STAG1: variants seen among roughly 807,000 people sequenced by gnomAD.
STAG1 encodes cohesin subunit SA-1.
A neutral mutation model predicts 170.9 loss-of-function variants in STAG1; 26 were observed. The observed-to-expected ratio is 0.15, with a 90% CI of 0.11 to 0.21. STAG1 has a LOEUF of 0.21. Among genes scored for constraint, STAG1 ranks in the 10% least tolerant of loss-of-function variants. The pLI, the probability that STAG1 is intolerant of heterozygous loss-of-function variation, is 1.00. For synonymous variants in STAG1, 514 were observed against 497.7 expected (o/e 1.03, Z -0.44); for missense variants, 964 against 1,509.5 (o/e 0.64, Z 5.99).
intron 5 of STAG1, among the ~76,000 whole-genome samples, chr3:136,559,017 T>C (rs553354712): frequency 6.6e-6 from 1 of 152,308 alleles, no homozygotes; most frequent in South Asian, 2.1e-4. Context: ...GAAAGAAATG[T>C]GCTACTGGCA....
chr3:136,369,013 C>G, intron 24 of STAG1, 95 bp downstream of exon 24: 1 of 1,204,232 alleles, frequency 8.3e-7, no homozygotes, highest in Non-Finnish European at 1.1e-6. Context: ...AGAAAGAAAT[C>G]TCGATAATTT....
chr3:136,548,923 C>T (rs1936270774), intron 5 of STAG1, among the ~76,000 whole-genome samples: 1 of 152,180 alleles, frequency 6.6e-6, no homozygotes, highest in African/African-American at 2.4e-5. Flanking sequence ...CCTCTCCTCC[C>T]TCTCTTCCTC....
intron 3 of STAG1, among the ~76,000 whole-genome samples, chr3:136,606,997 A>T (rs561856514): frequency 4.9e-4 from 75 of 151,972 alleles, no homozygotes; most frequent in Non-Finnish European, 3.2e-4. Context: ...TGATCCGCCC[A>T]CCTCAGACTC....
chr3:136,624,564 G>A (rs1422980769), intron 2 of STAG1, among the ~76,000 whole-genome samples: 1 of 152,168 alleles, frequency 6.6e-6, no homozygotes, highest in Non-Finnish European at 1.5e-5. Context: ...CAACTTCTCT[G>A]CTGACTCAGA....
At chr3:136,423,158 T>C (rs1329808079) in intron 16 of STAG1, 114 bp from the exon 17 acceptor site, 1 of 632,348 alleles carries the variant, frequency 1.6e-6, no homozygotes, top group Non-Finnish European at 2.5e-6. Flanking sequence ...TAAGAGAAAC[T>C]TAATGACTGA....
chr3:136,594,078 CTT>C (rs1248891278), intron 4 of STAG1, among the ~76,000 whole-genome samples: 1 of 152,172 alleles, frequency 6.6e-6, no homozygotes, highest in African/African-American at 2.4e-5. Flanking sequence ...TATTAAAACA[CTT>C]TTATCCATTC....
At chr3:136,662,863 C>T (rs1941624163) in intron 1 of STAG1, among the ~76,000 whole-genome samples, 1 of 152,150 alleles carries the variant, frequency 6.6e-6, no homozygotes, top group Non-Finnish European at 1.5e-5. Context: ...ACCAGCTTTG[C>T]CAACATGGTG....
At chr3:136,530,689 G>C (rs772801798) in intron 6 of STAG1, among the ~76,000 whole-genome samples, 1 of 152,120 alleles carries the variant, frequency 6.6e-6, no homozygotes, top group Non-Finnish European at 1.5e-5. Context: ...AAATTAAGGT[G>C]TAAATCAAAA....
chr3:136,490,644 T>C (rs2090107528), intron 9 of STAG1, among the ~76,000 whole-genome samples: 1 of 152,158 alleles, frequency 6.6e-6, no homozygotes, highest in African/African-American at 2.4e-5. Context: ...CCACATTAGA[T>C]CAAAGATGAA....
In STAG1 at chr3:136,610,762, T is replaced by C. The variant is rs554130992; in HGVS notation, c.133-6289A>G. ...AATTATGAAAGAAAAAAAACACATTTACTCTTTGTTCTGTGAAGTTCTAAG... is the reference window on the plus strand; with the variant it reads ...AATTATGAAAGAAAAAAAACACATTCACTCTTTGTTCTGTGAAGTTCTAAG... On this transcript the variant is annotated intron_variant, in intron 3 of 33. Coordinates refer to ENST00000383202, the MANE Select transcript of STAG1 (RefSeq NM_005862.3). 1.7e-3 allele frequency among the ~76,000 whole-genome samples: 256 copies of C among 152,330 alleles called. 1 individual carries two copies. The highest frequency in any genetic ancestry group is 5.2e-3 in the African/African-American group (215 of 41,578).
intron 21 of STAG1, among the ~76,000 whole-genome samples, chr3:136,402,687 C>T (rs888562993): frequency 7.4e-5 from 11 of 149,144 alleles, no homozygotes; most frequent in African/African-American, 2.7e-4. Context: ...AAAAAATTAC[C>T]GGGTGTGGTG....
chr3:136,422,514 T>A lies in STAG1; in HGVS notation c.1933A>T (p.Ser645Cys). ...ACSKTYSILC[S>C]EEYTIQNRVD... is the part of the protein sequence containing the mutation. ...CTGTTCTGGATGGTATATTCTTCACTGCATAAGATACTATAGGTTTTACTG... is the reference window on the plus strand; with the variant it reads ...CTGTTCTGGATGGTATATTCTTCACAGCATAAGATACTATAGGTTTTACTG... The change falls in exon 19 of 34, where the codon AGT (serine) becomes TGT (cysteine). Residue 645 changes from serine to cysteine, a missense_variant. Physicochemically the swap from Ser to Cys is moderately radical, Grantham distance 112 (BLOSUM62 -1). This residue lies in a region of STAG1 where 232 missense variants were observed against 313.0 expected (regional missense o/e 0.74). Coordinates refer to ENST00000383202, the MANE Select transcript of STAG1 (RefSeq NM_005862.3). 1 of 1,614,086 alleles carries A rather than the reference T, an allele frequency of 6.2e-7. No individual in the cohort carries two copies. Among genetic ancestry groups the A allele is most frequent in the Middle Eastern group, 1.7e-4 (1 of 6,058 alleles).
chr3:136,433,546 T>C lies in STAG1; in HGVS notation c.1650+10A>G, dbSNP rs753580684. ...AACCTTTTAGGAGATTTCTCACTAA[T>C]GTAACTTACTCTCTTGCCGGTACCC... On this transcript the variant is annotated intron_variant, in intron 16 of 33. Transcript: ENST00000383202. 2 of 1,592,590 alleles carry C rather than the reference T, an allele frequency of 1.3e-6. No individual in the cohort carries two copies. Among genetic ancestry groups the C allele is most frequent in the African/African-American group, 1.4e-5 (1 of 73,824 alleles).
At chr3:136,491,991 AAAAAC>A (rs1307063743) in intron 9 of STAG1, among the ~76,000 whole-genome samples, 2 of 152,190 alleles carry the variant, frequency 1.3e-5, no homozygotes, top group Non-Finnish European at 2.9e-5. Context: ...AGATTGTCTC[AAAAAC>A]AAAACAAAAC....
chr3:136,691,752 G>A (rs189839228), intron 1 of STAG1, among the ~76,000 whole-genome samples: 131 of 152,148 alleles, frequency 8.6e-4, no homozygotes, highest in Admixed American at 1.7e-3. Flanking sequence ...ATGACATTTC[G>A]CAGCTAGATG....
intron 16 of STAG1, among the ~76,000 whole-genome samples, chr3:136,427,370 C>T (rs1398990912): frequency 6.6e-6 from 1 of 152,178 alleles, no homozygotes; most frequent in Non-Finnish European, 1.5e-5. Context: ...AAAAAAGCCC[C>T]ATGACACTAA....
At position 136,381,122 on chromosome 3, in the gene STAG1, A is replaced by G. The variant is rs148925779; in HGVS notation, c.2278-3370T>C. 3.4e-3 allele frequency among the ~76,000 whole-genome samples: 512 copies of G among 152,184 alleles called. 1 individual carries two copies. Among genetic ancestry groups the G allele is most frequent in the African/African-American group, 8.9e-3 (368 of 41,520 alleles). On this transcript the variant is annotated intron_variant, in intron 22 of 33. Transcript: ENST00000383202. ...ATGATGATTTTGAGATCCCTAATAG[A>G]TATCTTGAAGATGTCTAGTAGGCAG...
chr3:136,507,801 A>AT (rs1469439964), intron 7 of STAG1, among the ~76,000 whole-genome samples: 1 of 152,200 alleles, frequency 6.6e-6, no homozygotes, highest in Non-Finnish European at 1.5e-5. Flanking sequence ...CTGTCTGAAG[A>AT]TTGAGTGTCA....
In STAG1 at chr3:136,445,347, C is replaced by T. The variant is rs112453702; in HGVS notation, c.1429-1943G>A. 3.2e-3 allele frequency among the ~76,000 whole-genome samples: 486 copies of T among 151,940 alleles called. 1 individual carries two copies. The highest frequency in any genetic ancestry group is 5.6e-3 in the Non-Finnish European group (382 of 67,950). ...AACAGTGACAGGAACAAGAGGTGCA[C>T]AACTCAAGAGTCAAAGATGAACAAT... On this transcript the variant is annotated intron_variant, in intron 14 of 33. Coordinates refer to ENST00000383202, the MANE Select transcript of STAG1 (RefSeq NM_005862.3).
Sources: allele counts gnomAD v4.1 joint callset (sites outside exome capture counted in the v4.1 genomes callset), GRCh38; gene constraint gnomAD v4.1.1; regional missense constraint gnomAD v4.1.1; transcripts MANE v1.5; gene names NCBI Gene and HGNC (gene_info 2026-07-23, HGNC 2026-07-21).